The following ACP3 variants were observed in gnomAD, a reference collection of about 807,000 sequenced individuals.
The protein encoded by ACP3 is acid phosphatase 3.
ACP3 carries 38 observed loss-of-function variants against 45.6 expected under a neutral mutation model. That is an observed-to-expected ratio of 0.83 (90% CI 0.64 to 1.09). The LOEUF (loss-of-function observed/expected upper bound fraction) is 1.09, where lower values mean the gene tolerates loss of function less well. Ranked by LOEUF, ACP3 falls within the 50% of genes least tolerant of loss-of-function variation. ACP3 has a pLI of 0.00. For missense variants in ACP3, 466 were observed against 463.2 expected, an observed-to-expected ratio of 1.01 and a Z score of -0.05; for synonymous variants, 162 against 164.7, an observed-to-expected ratio of 0.98 and a Z score of 0.13.
chr3:132,354,882 T>C (rs914483821), intron 9 of ACP3, among the ~76,000 whole-genome samples: 1 of 152,260 alleles, frequency 6.6e-6, no homozygotes, highest in Non-Finnish European at 1.5e-5. Flanking sequence ...CTTTGGCTTG[T>C]GTCTTCACCA....
chr3:132,343,865 G>A (rs1322191111), intron 6 of ACP3, among the ~76,000 whole-genome samples: 9 of 152,192 alleles, frequency 5.9e-5, no homozygotes, highest in Admixed American at 4.6e-4. Context: ...AGGTATGGTG[G>A]CTCCTGCCTG....
intron 5 of ACP3, among the ~76,000 whole-genome samples, chr3:132,338,142 T>G (rs1000898440): frequency 5.3e-5 from 8 of 152,156 alleles, no homozygotes; most frequent in African/African-American, 1.7e-4. Context: ...CAGTCTTTTA[T>G]GTATTTTATG....
chr3:132,361,756 A>T (rs1042307285), downstream of ACP3, among the ~76,000 whole-genome samples: 1 of 151,992 alleles, frequency 6.6e-6, no homozygotes, highest in Non-Finnish European at 1.5e-5. Flanking sequence ...TTTAAGTTCT[A>T]CTCTCACAAT....
chr3:132,352,364 T>TTTC (rs1937767205), intron 8 of ACP3, among the ~76,000 whole-genome samples: 1 of 150,010 alleles, frequency 6.7e-6, no homozygotes, highest in African/African-American at 2.4e-5. Flanking sequence ...CACCCAGCTT[T>TTTC]TTTTTTTTTT....
intron 3 of ACP3, among the ~76,000 whole-genome samples, 189 bp from the exon 4 acceptor site, chr3:132,332,003 C>T (rs1269719236): frequency 6.6e-6 from 1 of 152,154 alleles, no homozygotes; most frequent in African/African-American, 2.4e-5. Flanking sequence ...TATTGGCCAA[C>T]CAGGTTGCTT....
At position 132,367,839 on chromosome 3, in the gene ACP3, G is replaced by C. The variant is rs781124076; in HGVS notation, c.*17G>C. ...AACATCTGAACAGACAGCTGGATAAGCCAGGCCAACCTCCTGTGACACAGC... is the reference window on the plus strand; with the variant it reads ...AACATCTGAACAGACAGCTGGATAACCCAGGCCAACCTCCTGTGACACAGC... On this transcript the variant is annotated 3_prime_UTR_variant, in exon 11 of 11. Transcript: ENST00000351273. The C allele has an allele frequency of 1.2e-5, 19 of 1,566,690 alleles. No individual in the cohort carries two copies. The Admixed American group carries it at 1.7e-4, about 14-fold the overall frequency.
chr3:132,333,543 A>C (rs754533851), intron 4 of ACP3: 10 of 152,546 alleles, frequency 6.6e-5, no homozygotes, highest in Non-Finnish European at 1.5e-4. Flanking sequence ...AATTTGACTT[A>C]ATTGCTGCAT....
rs539154832 is a variant in ACP3 at position 132,336,760 on chromosome 3, G to C, written c.457-696G>C. On this transcript the variant is annotated intron_variant, in intron 4 of 9. Transcript: ENST00000336375. ...TTTGAGGGAAAAAAAATGCAAATTA[G>C]TTATTTCTACCAAGGGCTAGAAATA... 3.3e-5 allele frequency among the ~76,000 whole-genome samples: 5 copies of C among 152,178 alleles called. No individual in the cohort carries two copies. The South Asian group carries it at 1.0e-3, about 32-fold the overall frequency.
At chr3:132,343,857 G>C (rs1937577899) in intron 6 of ACP3, among the ~76,000 whole-genome samples, 1 of 152,182 alleles carries the variant, frequency 6.6e-6, no homozygotes, top group African/African-American at 2.4e-5. Context: ...CTACAGCCAG[G>C]TATGGTGGCT....
Position 132,332,252 on chromosome 3 carries a change from GC to G in ACP3, c.367del (p.Leu123CysfsTer50), listed in dbSNP as rs1475126659. ...GATGAGTGCTATGACAAACCTGGCA[GC>G]CCTGTTTCCCCCAGAAGGTGTCAGC... ...TLMSAMTNLAALFPPEGVSIW... is the reference protein window; with the variant it reads ...TLMSAMTNLAXLFPPEGVSIW... On this transcript the variant is annotated frameshift_variant, in exon 4 of 10. Transcript: ENST00000336375. LOFTEE classifies it high-confidence loss of function. 4 of 1,613,980 alleles carry G rather than the reference GC, an allele frequency of 2.5e-6. No individual in the cohort carries two copies. Among genetic ancestry groups the G allele is most frequent in the Non-Finnish European group, 3.4e-6 (4 of 1,180,014 alleles).
Position 132,357,242 on chromosome 3 carries a change from G to A in ACP3, c.*364G>A. 1.0e-6 allele frequency: 1 copy of A among 995,614 alleles called. No homozygotes were observed. Among genetic ancestry groups the A allele is most frequent in the Non-Finnish European group, 1.2e-6 (1 of 836,726 alleles). The allele number at this position is 995,614 out of a possible 1,614,324, so 61.7% of individuals were successfully genotyped here. A position where few individuals can be genotyped will look rare whatever the true frequency, so the allele number is the denominator to read the frequency against. ...CTGAGATTTTGCTTGAGCAGGATTA[G>A]ATAAGGCTGTTCTTTAAATGTCTGA... On this transcript the variant is annotated 3_prime_UTR_variant, in exon 10 of 10. Transcript: ENST00000336375.
intron 9 of ACP3, among the ~76,000 whole-genome samples, chr3:132,353,718 C>A (rs181599814): frequency 6.6e-6 from 1 of 152,302 alleles, no homozygotes; most frequent in Admixed American, 6.5e-5. Context: ...CTCAAAAGAG[C>A]CCATGCTTGT....
intron 5 of ACP3, among the ~76,000 whole-genome samples, chr3:132,340,825 A>G (rs897317724): frequency 2.0e-5 from 3 of 152,090 alleles, no homozygotes; most frequent in Non-Finnish European, 2.9e-5. Context: ...GTCATCCCTC[A>G]TTGCTTTTTC....
chr3:132,344,620 C>T (rs186242369), intron 6 of ACP3, among the ~76,000 whole-genome samples: 1 of 152,264 alleles, frequency 6.6e-6, no homozygotes, highest in Admixed American at 6.5e-5. Flanking sequence ...AGATTTCTAA[C>T]CCTTTCATAA....
chr3:132,355,849 G>A (rs994665506), intron 9 of ACP3, among the ~76,000 whole-genome samples: 9 of 152,196 alleles, frequency 5.9e-5, no homozygotes, highest in African/African-American at 2.2e-4. Flanking sequence ...CTGTTACTAT[G>A]TTTATATGGC....
At chr3:132,321,751 G>A (rs1484940948) in intron 1 of ACP3, among the ~76,000 whole-genome samples, 3 of 152,178 alleles carry the variant, frequency 2.0e-5, no homozygotes, top group Non-Finnish European at 2.9e-5. Flanking sequence ...ACAGAGGTAT[G>A]TCTCGAAGGA....
At chr3:132,341,007 T>C (rs529742935) in intron 5 of ACP3, among the ~76,000 whole-genome samples, 3 of 152,314 alleles carry the variant, frequency 2.0e-5, no homozygotes, top group Admixed American at 2.0e-4. Flanking sequence ...ATATGGTACA[T>C]GTTCCTACTT....
At chr3:132,331,137 C>G (rs1937391621) in intron 2 of ACP3, among the ~76,000 whole-genome samples, 1 of 152,194 alleles carries the variant, frequency 6.6e-6, no homozygotes, top group African/African-American at 2.4e-5. Flanking sequence ...GAAGCCAATA[C>G]AGACCACACT....
At position 132,357,763 on chromosome 3, in the gene ACP3, G is replaced by A. The variant is rs542530466; in HGVS notation, c.*885G>A. On this transcript the variant is annotated 3_prime_UTR_variant, in exon 10 of 10. Transcript: ENST00000336375. ...TAAAGTTGATTTAAGGCCAGGCATG[G>A]TGGTTTACGCCTATAATCCCAGCAT... The A allele has an allele frequency of 2.2e-5, 22 of 984,922 alleles. No individual in the cohort carries two copies. Among genetic ancestry groups the A allele is most frequent in the Non-Finnish European group, 2.5e-5 (21 of 829,624 alleles). 61.0% of individuals were successfully genotyped at this position (984,922 alleles called of 1,614,324 possible).
Sources: allele counts gnomAD v4.1 joint callset (sites outside exome capture counted in the v4.1 genomes callset), GRCh38; gene constraint gnomAD v4.1.1; transcripts MANE v1.5; gene names NCBI Gene and HGNC (gene_info 2026-07-23, HGNC 2026-07-21).